THRB: variants seen among roughly 807,000 people sequenced by gnomAD.
The protein encoded by THRB is nuclear receptor subfamily 1 group A member 2.
In THRB, 12 loss-of-function variants were observed where a neutral mutation model predicts 47.8. The observed-to-expected ratio is 0.25, with a 90% CI of 0.16 to 0.41. The LOEUF (loss-of-function observed/expected upper bound fraction) is 0.41, where lower values mean the gene tolerates loss of function less well. Ranked by LOEUF, THRB falls within the 10% of genes least tolerant of loss-of-function variation. The probability of loss-of-function intolerance (pLI) is 1.00; values close to 1 mark genes in which losing one functional copy is unlikely to be tolerated. For missense variants in THRB, 348 were observed against 589.2 expected (o/e 0.59, Z 4.24); for synonymous variants, 218 against 212.2 (o/e 1.03, Z -0.24).
intron 1 of THRB, among the ~76,000 whole-genome samples, chr3:24,374,042 C>T (rs901125493): frequency 2.0e-5 from 3 of 152,002 alleles, no homozygotes; most frequent in African/African-American, 7.3e-5. Flanking sequence ...GCCCAATTCA[C>T]GAATCGTCCA....
At chr3:24,276,538 C>G (rs546234009) in intron 3 of THRB, among the ~76,000 whole-genome samples, 1 of 152,180 alleles carries the variant, frequency 6.6e-6, no homozygotes, top group Non-Finnish European at 1.5e-5. Context: ...TACAGCCTGC[C>G]TCATTGGTGA....
At chr3:24,150,114 A>G (rs1559458568) in intron 6 of THRB, among the ~76,000 whole-genome samples, 1 of 152,234 alleles carries the variant, frequency 6.6e-6, no homozygotes, top group Non-Finnish European at 1.5e-5. Flanking sequence ...GACAGTATCA[A>G]TATCCTTTCT....
chr3:24,389,189 C>T (rs904944019), intron 1 of THRB, among the ~76,000 whole-genome samples: 9 of 151,916 alleles, frequency 5.9e-5, no homozygotes, highest in Admixed American at 5.3e-4. Context: ...TGGTTGAAAC[C>T]CCAGGGGTAG....
intron 1 of THRB, among the ~76,000 whole-genome samples, chr3:24,446,865 A>C (rs975185655): frequency 1.3e-5 from 2 of 152,214 alleles, no homozygotes. Context: ...GATTGAGGTA[A>C]GGATCTTGAG....
chr3:24,123,220 T>A, intron 10 of THRB, 95 bp from the exon 11 acceptor site: 1 of 1,561,572 alleles, frequency 6.4e-7, no homozygotes, highest in Non-Finnish European at 8.7e-7. Flanking sequence ...GGCGGGCAGA[T>A]CTAGGGTCTT....
At chr3:24,390,294 A>G (rs2066462488) in intron 1 of THRB, among the ~76,000 whole-genome samples, 1 of 152,190 alleles carries the variant, frequency 6.6e-6, no homozygotes, top group Admixed American at 6.5e-5. Context: ...CACTTTAGGT[A>G]TATTCACCGG....
At chr3:24,249,437 T>A (rs2050433997) in intron 3 of THRB, among the ~76,000 whole-genome samples, 1 of 152,196 alleles carries the variant, frequency 6.6e-6, no homozygotes, top group Non-Finnish European at 1.5e-5. Flanking sequence ...TATTTTCACA[T>A]GGCAGTATGA....
intron 1 of THRB, among the ~76,000 whole-genome samples, chr3:24,355,488 GT>G (rs1392434698): frequency 2.0e-5 from 3 of 152,150 alleles, no homozygotes; most frequent in Admixed American, 2.0e-4. Flanking sequence ...ATAATAGTAT[GT>G]ATCAATGTTG....
chr3:24,470,880 G>T (rs2074515421), intron 1 of THRB, among the ~76,000 whole-genome samples: 1 of 152,184 alleles, frequency 6.6e-6, no homozygotes, highest in Admixed American at 6.5e-5. Flanking sequence ...GCCTCCCAAA[G>T]TGCTGGGATT....
intron 3 of THRB, among the ~76,000 whole-genome samples, chr3:24,296,944 T>C (rs2056497787): frequency 1.3e-5 from 2 of 152,224 alleles, no homozygotes; most frequent in Admixed American, 1.3e-4. Flanking sequence ...TCTGAATCTT[T>C]GTTGATTTCA....
intron 3 of THRB, among the ~76,000 whole-genome samples, chr3:24,272,347 A>ACAAC: frequency 6.7e-6 from 1 of 149,878 alleles, no homozygotes; most frequent in African/African-American, 2.5e-5. Context: ...CTCTCTCTCA[A>ACAAC]AACAACAACA....
chr3:24,279,945 A>G (rs2054371218), intron 3 of THRB, among the ~76,000 whole-genome samples: 1 of 152,190 alleles, frequency 6.6e-6, no homozygotes. Flanking sequence ...TACGTATTTT[A>G]TCTTACACAT....
rs114611144 is a variant in THRB at position 24,473,031 on chromosome 3, C to T, written c.-261+21621G>A. 4.2e-3 allele frequency among the ~76,000 whole-genome samples: 639 copies of T among 152,158 alleles called. 5 individuals carry two copies. Among genetic ancestry groups the T allele is most frequent in the African/African-American group, 0.015 (617 of 41,528 alleles). ...TCTTATATACAATCTACTTCCTTCC[C>T]GTTCTTCATGTAAATGGACTGGCCA... On this transcript the variant is annotated intron_variant, in intron 1 of 10. Coordinates refer to ENST00000646209, the MANE Select transcript of THRB (RefSeq NM_001354712.2).
chr3:24,281,578 A>G (rs2054613847), intron 3 of THRB, among the ~76,000 whole-genome samples: 1 of 143,518 alleles, frequency 7.0e-6, no homozygotes, highest in South Asian at 2.5e-4. Context: ...AAATTCACAC[A>G]TAACAATATT....
rs80160460 is a variant in THRB at position 24,490,046 on chromosome 3, G to A, written c.-261+4606C>T. Among the ~76,000 whole-genome samples the A allele has an allele frequency of 5.0e-3, 763 of 152,106 alleles. 6 individuals carry two copies. Among genetic ancestry groups the A allele is most frequent in the African/African-American group, 0.018 (731 of 41,490 alleles). ...TCAGATATAAAATAACTATTTTTAG[G>A]GGCCATATGAGAGACTCCAACAGGT... On this transcript the variant is annotated intron_variant, in intron 1 of 10. Transcript: ENST00000646209.
intron 3 of THRB, among the ~76,000 whole-genome samples, chr3:24,249,962 T>C (rs2050496907): frequency 6.6e-6 from 1 of 152,194 alleles, no homozygotes; most frequent in Non-Finnish European, 1.5e-5. Context: ...ACCATTACTT[T>C]TAATGGCAGA....
intron 1 of THRB, among the ~76,000 whole-genome samples, chr3:24,473,995 G>T (rs918548470): frequency 8.5e-5 from 13 of 152,232 alleles, no homozygotes; most frequent in Non-Finnish European, 1.3e-4. Context: ...AGCATTAGAA[G>T]AAATACCTAA....
At chr3:24,457,870 A>C (rs892803946) in intron 1 of THRB, 1 of 152,208 alleles carries the variant, frequency 6.6e-6, no homozygotes, top group African/African-American at 2.4e-5. Context: ...GAGTAGAGTT[A>C]GGCGCATTTG....
intron 2 of THRB, among the ~76,000 whole-genome samples, chr3:24,298,247 G>T (rs1024131445): frequency 1.1e-4 from 17 of 152,198 alleles, no homozygotes; most frequent in Non-Finnish European, 2.4e-4. Context: ...CTTGAGAAAG[G>T]ATCACAAATT....
Sources: gnomAD v4.1 joint callset for allele counts (sites outside exome capture counted in the v4.1 genomes callset) on GRCh38, gnomAD v4.1.1 for gene constraint, MANE v1.5 for transcripts, NCBI Gene and HGNC (gene_info 2026-07-23, HGNC 2026-07-21) for gene names.